The following PREX2 variants were observed in gnomAD, a reference collection of about 807,000 sequenced individuals.
PREX2 encodes the protein phosphatidylinositol-3,4,5-trisphosphate dependent Rac exchange factor 2.
PREX2 carries 107 observed loss-of-function variants against 203.2 expected under a neutral mutation model. The ratio of observed to expected loss-of-function variants is 0.53; its 90% confidence interval spans 0.45 to 0.62. The LOEUF (loss-of-function observed/expected upper bound fraction) is 0.62. PREX2 is among the 20% of genes least tolerant of loss of function. The probability of loss-of-function intolerance (pLI) is 0.00; values close to 1 mark genes in which losing one functional copy is unlikely to be tolerated. For synonymous variants in PREX2, 672 were observed against 663.6 expected (o/e 1.01, Z -0.19); for missense variants, 1,777 against 1,955.9 (o/e 0.91, Z 1.72).
chr8:68,055,728 C>T (rs1808657289), intron 9 of PREX2, 102 bp from the exon 10 acceptor site: 1 of 1,083,774 alleles, frequency 9.2e-7, no homozygotes, highest in East Asian at 2.5e-5. Flanking sequence ...CAACCCCCAG[C>T]ACATGGTAGA....
chr8:67,990,927 C>T (rs952816994), intron 1 of PREX2, among the ~76,000 whole-genome samples: 24 of 152,302 alleles, frequency 1.6e-4, no homozygotes, highest in African/African-American at 5.3e-4. Flanking sequence ...CACCCAAGAT[C>T]CCCAGCAGCC....
In PREX2 at chr8:67,978,023, G is replaced by A. The variant is rs572139680; in HGVS notation, c.141+25488G>A. Among the ~76,000 whole-genome samples, 12 of 152,266 alleles carry A rather than the reference G, an allele frequency of 7.9e-5. No homozygotes were observed. In the South Asian group the frequency reaches 1.0e-3, roughly 13 times the overall value. ...CCCAAGGAAGGGTGAGGGGAACCCC[G>A]GTTTTTAGCTGGTTGATCAGAAACA... On this transcript the variant is annotated intron_variant, in intron 1 of 39. Transcript: ENST00000288368.
chr8:68,050,825 G>A (rs919584185), intron 8 of PREX2, among the ~76,000 whole-genome samples: 2 of 152,104 alleles, frequency 1.3e-5, no homozygotes, highest in Admixed American at 6.6e-5. Context: ...GAGGAGAGTG[G>A]GGTAGCTTGA....
intron 11 of PREX2, among the ~76,000 whole-genome samples, chr8:68,063,236 C>T (rs968959904): frequency 1.3e-5 from 2 of 152,128 alleles, no homozygotes; most frequent in African/African-American, 4.8e-5. Context: ...GGAACTGTGC[C>T]TCAGTGGCAG....
intron 22 of PREX2, among the ~76,000 whole-genome samples, chr8:68,097,579 C>A (rs146791872): frequency 9.8e-5 from 15 of 152,370 alleles, no homozygotes; most frequent in African/African-American, 3.6e-4. Flanking sequence ...GCTACTTTGG[C>A]ATTCCAAAGT....
chr8:68,096,500 A>T (rs1272955627), intron 21 of PREX2, among the ~76,000 whole-genome samples: 1 of 152,160 alleles, frequency 6.6e-6, no homozygotes, highest in Non-Finnish European at 1.5e-5. Flanking sequence ...ATAGTGAACA[A>T]TGAGAAATTT....
chr8:68,105,700 T>A (rs12544865), intron 23 of PREX2: 89,066 of 244,172 alleles, frequency 0.36, 17,350 homozygotes, highest in South Asian at 0.46. Context: ...TATATATATA[T>A]GGATATATAT....
At chr8:68,205,411 C>A (rs1812601840) in intron 37 of PREX2, among the ~76,000 whole-genome samples, 1 of 152,136 alleles carries the variant, frequency 6.6e-6, no homozygotes, top group South Asian at 2.1e-4. Flanking sequence ...TGACTTGTAG[C>A]AATTTTCTCA....
At chr8:68,120,363 G>T (rs1264596863) in intron 29 of PREX2, 77 bp downstream of exon 29, 29 of 908,790 alleles carry the variant, frequency 3.2e-5, no homozygotes, top group Middle Eastern at 2.1e-4. Context: ...GAAGCAAGCA[G>T]ATTGCATAAG....
intron 23 of PREX2, among the ~76,000 whole-genome samples, chr8:68,107,719 C>T (rs943075713): frequency 6.6e-6 from 1 of 152,158 alleles, no homozygotes; most frequent in African/African-American, 2.4e-5. Context: ...CCTGTTTTGC[C>T]ATTTTGCCTT....
intron 1 of PREX2, among the ~76,000 whole-genome samples, chr8:67,974,283 G>T (rs1207566792): frequency 6.6e-6 from 1 of 151,912 alleles, no homozygotes; most frequent in Non-Finnish European, 1.5e-5. Context: ...GATACAATTT[G>T]CCAGTATCTT....
At chr8:68,160,998 A>C (rs1811641950) in intron 35 of PREX2, among the ~76,000 whole-genome samples, 1 of 152,216 alleles carries the variant, frequency 6.6e-6, no homozygotes, top group South Asian at 2.1e-4. Flanking sequence ...CCTTATAAAC[A>C]AATCCATCCA....
intron 1 of PREX2, among the ~76,000 whole-genome samples, chr8:67,982,276 A>T (rs573932904): frequency 6.6e-6 from 1 of 152,036 alleles, no homozygotes; most frequent in Non-Finnish European, 1.5e-5. Flanking sequence ...TTTAAAAAAA[A>T]GCTGGTATAG....
At chr8:68,084,230 AG>A (rs1809615520) in intron 18 of PREX2, among the ~76,000 whole-genome samples, 2 of 152,160 alleles carry the variant, frequency 1.3e-5, no homozygotes, top group Non-Finnish European at 2.9e-5. Flanking sequence ...CAAACTATTT[AG>A]CATAATATAT....
At chr8:68,128,208 T>G (rs977710875) in intron 31 of PREX2, among the ~76,000 whole-genome samples, 6 of 152,194 alleles carry the variant, frequency 3.9e-5, no homozygotes, top group African/African-American at 1.2e-4. Flanking sequence ...TATATAGATA[T>G]GTTGAATGAG....
At chr8:68,036,098 T>C (rs1808020927) in intron 6 of PREX2, among the ~76,000 whole-genome samples, 1 of 152,142 alleles carries the variant, frequency 6.6e-6, no homozygotes, top group Non-Finnish European at 1.5e-5. Flanking sequence ...CTTATAATAA[T>C]GCCTTAGATA....
intron 37 of PREX2, among the ~76,000 whole-genome samples, chr8:68,196,460 AGACAC>A (rs1812396820): frequency 2.0e-5 from 3 of 147,446 alleles, no homozygotes; most frequent in Non-Finnish European, 4.5e-5. Context: ...AATAAAATGG[AGACAC>A]TATATATATG....
chr8:68,004,902 C>T (rs1396114112), intron 1 of PREX2, among the ~76,000 whole-genome samples: 1 of 152,070 alleles, frequency 6.6e-6, no homozygotes, highest in Non-Finnish European at 1.5e-5. Flanking sequence ...CTAATTCAGC[C>T]CACAGAAGGG....
chr8:68,193,615 T>A (rs1039945125), intron 37 of PREX2, among the ~76,000 whole-genome samples: 3 of 152,052 alleles, frequency 2.0e-5, no homozygotes, highest in African/African-American at 7.2e-5. Context: ...AATAACATAA[T>A]GATAAAAGTA....
Sources: allele counts gnomAD v4.1 joint callset (sites outside exome capture counted in the v4.1 genomes callset), GRCh38; gene constraint gnomAD v4.1.1; transcripts MANE v1.5; gene names NCBI Gene and HGNC (gene_info 2026-07-23, HGNC 2026-07-21).